Variants in SOHLH1 observed in about 807,000 individuals in gnomAD.
The protein encoded by SOHLH1 is spermatogenesis and oogenesis specific basic helix-loop-helix 1.
A neutral mutation model predicts 36.2 loss-of-function variants in SOHLH1; 23 were observed. The observed-to-expected ratio is 0.64, with a 90% CI of 0.46 to 0.90. SOHLH1 has a LOEUF of 0.90. Ranked by LOEUF, SOHLH1 falls within the 40% of genes least tolerant of loss-of-function variation. The pLI, the probability that SOHLH1 is intolerant of heterozygous loss-of-function variation, is 0.00. For missense variants in SOHLH1, 608 were observed against 517.0 expected, an observed-to-expected ratio of 1.18 and a Z score of -1.71; for synonymous variants, 289 against 228.3, an observed-to-expected ratio of 1.27 and a Z score of -2.40.
upstream of SOHLH1, chr9:135,699,615 C>T (rs542070212): frequency 1.8e-5 from 15 of 835,896 alleles, no homozygotes; most frequent in East Asian, 2.9e-4. Flanking sequence ...CGCATGCGCT[C>T]TAGCCCTCCC....
In SOHLH1 at chr9:135,699,101, A is replaced by C. The variant is rs199935200; in HGVS notation, c.91T>G (p.Cys31Gly). The C allele has an allele frequency of 6.2e-7, 1 of 1,607,206 alleles. No homozygotes were observed. Among genetic ancestry groups the C allele is most frequent in the Admixed American group, 1.7e-5 (1 of 59,630 alleles). ...CNGSLSGALS[C>G]CEDSARGSGP... ...GAGCCCCGGGCCGAGTCCTCGCAGC[A>C]GGAGAGGGCACCAGACAGGGAGCCG... Residue 31 changes from cysteine (C) to glycine (G), a missense_variant, in exon 2 of 8, where the codon TGC becomes GGC. Physicochemically the swap from Cys to Gly is radical, Grantham distance 159. Transcript: ENST00000425225.
intron 3 of SOHLH1, among the ~76,000 whole-genome samples, chr9:135,698,108 G>A (rs146782344): frequency 1.4e-4 from 21 of 152,272 alleles, no homozygotes; most frequent in African/African-American, 3.9e-4. Context: ...GGCACAGGAG[G>A]GCTGGAAAGG....
At chr9:135,700,450 G>T (rs1389349217), upstream of SOHLH1, among the ~76,000 whole-genome samples, 1 of 152,006 alleles carries the variant, frequency 6.6e-6, no homozygotes, top group Non-Finnish European at 1.5e-5. Flanking sequence ...GAGGGTGGGG[G>T]GTGAGGCTGG....
At chr9:135,699,966 C>T (rs1033596656), upstream of SOHLH1, among the ~76,000 whole-genome samples, 2 of 152,040 alleles carry the variant, frequency 1.3e-5, no homozygotes, top group Admixed American at 1.3e-4. Context: ...CAGTCGCCCA[C>T]GCCTCCATTT....
intron 7 of SOHLH1, 31 bp downstream of exon 7, chr9:135,694,356 G>A (rs764628106): frequency 1.2e-6 from 2 of 1,611,910 alleles, no homozygotes; most frequent in East Asian, 4.5e-5. Flanking sequence ...TTACGCGGGG[G>A]GACCAGCCCT....
intron 5 of SOHLH1, 89 bp from the exon 6 acceptor site, chr9:135,695,352 C>G: frequency 7.8e-7 from 1 of 1,276,620 alleles, no homozygotes; most frequent in Admixed American, 2.0e-5. Context: ...GCTCGGTCCA[C>G]TCACACTGAC....
At position 135,693,821 on chromosome 9, in the gene SOHLH1, G is replaced by T; in HGVS notation, c.947-7C>A. 6.4e-7 allele frequency: 1 copy of T among 1,558,354 alleles called. No individual in the cohort carries two copies. ...CCTCGACCCTCCAGAGACCCTGGAA[G>T]CAAACAGGACACATCGGCAGGGCAG... On this transcript the variant is annotated splice_region_variant and splice_polypyrimidine_tract_variant and intron_variant, in intron 7 of 7. Coordinates refer to ENST00000425225, the MANE Select transcript of SOHLH1 (RefSeq NM_001101677.2).
Position 135,695,105 on chromosome 9 carries a change from C to T in SOHLH1, c.820G>A (p.Ala274Thr), listed in dbSNP as rs774516240. The T allele has an allele frequency of 6.3e-7, 1 of 1,598,282 alleles. No individual in the cohort carries two copies. The change falls in exon 6 of 8, where the codon GCT becomes ACT. Residue 274 changes from alanine (A) to threonine (T), a missense_variant. Physicochemically the swap from Ala to Thr is moderately conservative, Grantham distance 58 (BLOSUM62 0). Coordinates refer to ENST00000425225, the MANE Select transcript of SOHLH1 (RefSeq NM_001101677.2). ...LGQAGPLAMGAAPLGEPAKED... is the reference protein window; with the variant it reads ...LGQAGPLAMGTAPLGEPAKED... ...TTGGCTGGCTCCCCCAGAGGTGCAG[C>T]CCCCATGGCCAGGGGCCCAGCCTGG...
chr9:135,694,941 C>T, intron 6 of SOHLH1, 109 bp downstream of exon 6: 1 of 1,249,580 alleles, frequency 8.0e-7, no homozygotes, highest in South Asian at 1.4e-5. Context: ...ACGGAAGCTT[C>T]CAGATGCCGA....
rs1564299093 is a variant in SOHLH1, at chr9:135,696,848, GC to G, written c.468-44del. 2.5e-6 allele frequency: 4 copies of G among 1,604,736 alleles called. No homozygotes were observed. In the South Asian group the frequency reaches 3.3e-5, roughly 13 times the overall value. ...ACAAGGATCCTGGGTCTATTCCCCA[GC>G]CCCCTGGAAGGCTGCCCCCACCCAC... is the stretch of plus-strand genomic sequence containing the variant. On this transcript the variant is annotated intron_variant, in intron 4 of 7. Coordinates refer to ENST00000425225, the MANE Select transcript of SOHLH1 (RefSeq NM_001101677.2).
chr9:135,694,210 C>T lies in SOHLH1; in HGVS notation c.946+177G>A, dbSNP rs12346152. On this transcript the variant is annotated intron_variant, in intron 7 of 7. Coordinates refer to ENST00000425225, the MANE Select transcript of SOHLH1 (RefSeq NM_001101677.2). Reference sequence around the variant, plus strand: ...CGTTCACTCACACACTCACATATCACCTATAACGCTCAATACCAGACACGG... The same window carrying T: ...CGTTCACTCACACACTCACATATCATCTATAACGCTCAATACCAGACACGG... The T allele has an allele frequency of 4.8e-6, 7 of 1,457,666 alleles. No individual in the cohort carries two copies. The East Asian group carries it at 1.2e-4, about 26-fold the overall frequency. 90.3% of individuals were successfully genotyped at this position (1,457,666 alleles called of 1,614,324 possible).
chr9:135,696,219 GC>G (rs5901086), intron 5 of SOHLH1, among the ~76,000 whole-genome samples: 3 of 39,288 alleles, frequency 7.6e-5, no homozygotes, highest in South Asian at 8.8e-4. Context: ...CCAGGATGGG[GC>G]CAAGTCCCTC....
upstream of SOHLH1, among the ~76,000 whole-genome samples, chr9:135,701,362 CCCTGGCCCTCGT>C (rs1169970974): frequency 6.6e-6 from 1 of 152,244 alleles, no homozygotes; most frequent in East Asian, 1.9e-4. Flanking sequence ...CTGGCCCTCC[CCCTGGCCCTCGT>C]GGGCACAGTC....
intron 6 of SOHLH1, 93 bp downstream of exon 6, chr9:135,694,957 T>C (rs1834729271): frequency 5.2e-6 from 7 of 1,350,710 alleles, no homozygotes; most frequent in East Asian, 5.0e-5. Flanking sequence ...GCCGAGAAAG[T>C]GGGCCCAAGC....
chr9:135,694,545 G>T, intron 6 of SOHLH1, 88 bp from the exon 7 acceptor site: 2 of 1,544,086 alleles, frequency 1.3e-6, no homozygotes, highest in Admixed American at 1.9e-5. Context: ...TCCTGCAAAG[G>T]CAGCTTCGAA....
rs934533095 is a variant in SOHLH1, at chr9:135,698,317, C to T, written c.345+12G>A. On this transcript the variant is annotated intron_variant, in intron 3 of 7. Transcript: ENST00000425225. ...TGCCGGAGGACTGACGGCGTCTACC[C>T]TTACAACTCACAGCGTGCTGCTCCT... The T allele has an allele frequency of 2.5e-6, 4 of 1,612,854 alleles. No individual in the cohort carries two copies. Among genetic ancestry groups the T allele is most frequent in the Admixed American group, 1.7e-5 (1 of 59,998 alleles).
intron 2 of SOHLH1, among the ~76,000 whole-genome samples, 193 bp downstream of exon 2, chr9:135,698,802 G>A (rs1015740637): frequency 4.6e-5 from 7 of 152,228 alleles, no homozygotes; most frequent in African/African-American, 1.4e-4. Flanking sequence ...AAGGCTTCAG[G>A]ATAAAGAGGG....
Position 135,696,755 on chromosome 9 carries a change from G to A in SOHLH1, c.518C>T (p.Ala173Val), listed in dbSNP as rs368937809. 2.2e-5 allele frequency: 36 copies of A among 1,613,026 alleles called. No homozygotes were observed. The highest frequency in any genetic ancestry group is 6.7e-5 in the Admixed American group (4 of 60,004). ...FLESPWSLDPASASPEPVPHI... is the reference protein window; with the variant it reads ...FLESPWSLDPVSASPEPVPHI... ...CGGCACGGGCTCTGGGCTGGCCGAC[G>A]CTGGATCCAGGGACCAAGGACTTTC... Residue 173 changes from alanine (A) to valine (V), a missense_variant, in exon 5 of 8, where the codon GCG (alanine) becomes GTG (valine). Coordinates refer to ENST00000425225, the MANE Select transcript of SOHLH1 (RefSeq NM_001101677.2).
upstream of SOHLH1, chr9:135,702,096 AG>A (rs1379056124): frequency 2.6e-5 from 15 of 572,942 alleles, no homozygotes; most frequent in African/African-American, 2.8e-4. Context: ...CGCGGCCGGC[AG>A]GGGGCGCGCG....
Sources: gnomAD v4.1 joint callset for allele counts (sites outside exome capture counted in the v4.1 genomes callset) on GRCh38, gnomAD v4.1.1 for gene constraint, MANE v1.5 for transcripts, NCBI Gene and HGNC (gene_info 2026-07-23, HGNC 2026-07-21) for gene names.